ANKRD13A: variants seen among roughly 807,000 people sequenced by gnomAD.
ANKRD13A encodes ankyrin repeat domain-containing protein 13A.
ANKRD13A carries 48 observed loss-of-function variants against 81.3 expected under a neutral mutation model. That is an observed-to-expected ratio of 0.59 (90% confidence interval 0.47 to 0.75). The LOEUF (loss-of-function observed/expected upper bound fraction) is 0.75, where lower values mean the gene tolerates loss of function less well. ANKRD13A is among the 30% of genes least tolerant of loss of function. The probability of loss-of-function intolerance (pLI) is 0.00; values close to 1 mark genes in which losing one functional copy is unlikely to be tolerated. For missense variants in ANKRD13A, 612 were observed against 734.0 expected (o/e 0.83, Z 1.92); for synonymous variants, 230 against 270.1 (o/e 0.85, Z 1.45).
At position 110,038,688 on chromosome 12, in the gene ANKRD13A, TC is replaced by T. The variant is rs1225608335; in HGVS notation, c.*1137del. ...TATTTGTAAAAGATATAAAAACAACTCCCATCAGTAGCAATACAAGGTTATA... is the reference window on the plus strand; with the variant it reads ...TATTTGTAAAAGATATAAAAACAACTCCATCAGTAGCAATACAAGGTTATA... On this transcript the variant is annotated 3_prime_UTR_variant, in exon 15 of 15. Coordinates refer to ENST00000261739, the MANE Select transcript of ANKRD13A (RefSeq NM_033121.2). 1 of 152,654 alleles carries T rather than the reference TC, an allele frequency of 6.6e-6. No individual in the cohort carries two copies. The highest frequency in any genetic ancestry group is 1.5e-5 in the Non-Finnish European group (1 of 68,038). 9.5% of individuals were successfully genotyped at this position (152,654 alleles called of 1,614,324 possible).
At chr12:110,019,439 A>T in intron 6 of ANKRD13A, 111 bp downstream of exon 6, 1 of 1,042,908 alleles carries the variant, frequency 9.6e-7, no homozygotes, top group Non-Finnish European at 1.3e-6. Flanking sequence ...CTAATATGAC[A>T]TAATAAACAC....
At chr12:110,001,489 G>C (rs1434134820) in intron 1 of ANKRD13A, among the ~76,000 whole-genome samples, 1 of 144,528 alleles carries the variant, frequency 6.9e-6, no homozygotes, top group Non-Finnish European at 1.5e-5. Context: ...ATTCAGACTT[G>C]AGTGCAGTGG....
intron 6 of ANKRD13A, among the ~76,000 whole-genome samples, chr12:110,020,019 A>G (rs920351759): frequency 6.6e-6 from 1 of 152,216 alleles, no homozygotes; most frequent in African/African-American, 2.4e-5. Flanking sequence ...GAGACCACTG[A>G]TCCGAGGGAG....
chr12:110,037,103 TGA>T (rs1892105590), intron 14 of ANKRD13A, among the ~76,000 whole-genome samples: 1 of 152,230 alleles, frequency 6.6e-6, no homozygotes, highest in South Asian at 2.1e-4. Context: ...ATGAAGAACC[TGA>T]GTTTTGCTTT....
In ANKRD13A at chr12:110,016,370, C is replaced by T; in HGVS notation, c.355-18C>T. ...AGTGCCAAGGGTAATCTGTTTTAAA[C>T]CTTTGTCTGCCCTTCAGGCTCCGGA... is the stretch of plus-strand genomic sequence containing the variant. On this transcript the variant is annotated intron_variant, in intron 3 of 14. Coordinates refer to ENST00000261739, the MANE Select transcript of ANKRD13A (RefSeq NM_033121.2). 1.9e-6 allele frequency: 3 copies of T among 1,578,498 alleles called. No individual in the cohort carries two copies. The highest frequency in any genetic ancestry group is 2.6e-6 in the Non-Finnish European group (3 of 1,156,628).
At chr12:110,000,199 T>G (rs547168968) in intron 1 of ANKRD13A, among the ~76,000 whole-genome samples, 10 of 152,160 alleles carry the variant, frequency 6.6e-5, no homozygotes, top group Non-Finnish European at 1.2e-4. Context: ...ACACTCTCCT[T>G]GTTGTAAGGA....
In ANKRD13A at chr12:110,014,789, C is replaced by CTTTTTTTTTTTTTTTTTTT. The variant is rs761398140; in HGVS notation, c.354+1552_354+1553insTTTTTTTTTTTTTTTTTTT. On this transcript the variant is annotated intron_variant, in intron 3 of 14. Coordinates refer to ENST00000261739, the MANE Select transcript of ANKRD13A (RefSeq NM_033121.2). ...ACCTGGAATTTCTAGCATTTCTCTT[C>CTTTTTTTTTTTTTTTTTTT]TTTTTTTTTTTTGAGACGGAATCTC... 3.3e-4 allele frequency among the ~76,000 whole-genome samples: 45 copies of CTTTTTTTTTTTTTTTTTTT among 135,694 alleles called. 1 individual carries two copies. Among genetic ancestry groups the CTTTTTTTTTTTTTTTTTTT allele is most frequent in the African/African-American group, 8.6e-4 (28 of 32,370 alleles). 89.0% of individuals were successfully genotyped at this position (135,694 alleles called of 152,430 possible). A position where few individuals can be genotyped will look rare whatever the true frequency, so the allele number is the denominator to read the frequency against.
chr12:110,016,643 A>C (rs571298281), intron 4 of ANKRD13A, among the ~76,000 whole-genome samples: 1 of 152,232 alleles, frequency 6.6e-6, no homozygotes, highest in African/African-American at 2.4e-5. Context: ...CCCGCCATGC[A>C]TAGGACTTTT....
At position 110,038,791 on chromosome 12, in the gene ANKRD13A, A is replaced by AT. The variant is rs1892206806; in HGVS notation, c.*1238dup. On this transcript the variant is annotated 3_prime_UTR_variant, in exon 15 of 15. Transcript: ENST00000261739. ...TCTCTTTTGTCAAACCCTCTTGTAT[A>AT]TAACCATCGCACAACATACAGAACC... 1 of 152,252 alleles carries AT rather than the reference A, an allele frequency of 6.6e-6. No homozygotes were observed. The allele number at this position is 152,252 out of a possible 1,614,324, so 9.4% of individuals were successfully genotyped here.
chr12:110,031,745 A>G (rs957016553), intron 12 of ANKRD13A, among the ~76,000 whole-genome samples: 13 of 152,200 alleles, frequency 8.5e-5, no homozygotes, highest in Admixed American at 1.3e-4. Flanking sequence ...CCATCAATAC[A>G]ATTCATGATT....
At chr12:110,029,668 G>A (rs1244360889) in intron 11 of ANKRD13A, 33 bp downstream of exon 11, 1 of 1,602,258 alleles carries the variant, frequency 6.2e-7, no homozygotes, top group Non-Finnish European at 8.5e-7. Flanking sequence ...AACACTTGGA[G>A]GTTCTGCCCA....
rs1892138243 is a variant in ANKRD13A at position 110,037,522 on chromosome 12, C to G, written c.1741C>G (p.Gln581Glu). The G allele has an allele frequency of 6.2e-7, 1 of 1,613,864 alleles. No homozygotes were observed. Among genetic ancestry groups the G allele is most frequent in the Non-Finnish European group, 8.5e-7 (1 of 1,180,034 alleles). Residue 581 changes from glutamine to glutamate, a missense_variant, in exon 15 of 15, where the codon CAA becomes GAA. Coordinates refer to ENST00000261739, the MANE Select transcript of ANKRD13A (RefSeq NM_033121.2). The part of the protein sequence containing the change: ...RLQEEEAELQ[Q>E]VLQLSLTDK ...CCAGGAGGAAGAGGCTGAGCTCCAG[C>G]AAGTCTTACAGCTGTCACTCACTGA...
chr12:110,012,181 T>C (rs747601121), intron 2 of ANKRD13A, 44 bp downstream of exon 2: 2 of 1,558,396 alleles, frequency 1.3e-6, no homozygotes, highest in Non-Finnish European at 1.8e-6. Flanking sequence ...CTGAGCACCA[T>C]GGTGAAACCC....
chr12:110,030,798 TA>T (rs760659033), intron 12 of ANKRD13A, 40 bp downstream of exon 12: 245 of 1,378,474 alleles, frequency 1.8e-4, no homozygotes, highest in Middle Eastern at 3.7e-4. Context: ...TTTTGTTATT[TA>T]AAAAAAAATT....
rs1376046813 is a variant in ANKRD13A, at chr12:110,024,090, T to G, written c.779T>G (p.Val260Gly). Reference protein sequence around the residue: ...FWGWRTDKAEVVNGYEAKVYT... With the variant: ...FWGWRTDKAEGVNGYEAKVYT... ...GGCTGGAGGACAGATAAAGCAGAAG[T>G]TGTTAATGGTTACGAAGCAAAGGTA... Residue 260 changes from valine (V) to glycine (G), a missense_variant, in exon 7 of 15, where the codon GTT becomes GGT. By Grantham distance (109) the Val-to-Gly change is moderately radical (BLOSUM62 -3). Coordinates refer to ENST00000261739, the MANE Select transcript of ANKRD13A (RefSeq NM_033121.2). 1 of 1,610,660 alleles carries G rather than the reference T, an allele frequency of 6.2e-7. No individual in the cohort carries two copies. Among genetic ancestry groups the G allele is most frequent in the East Asian group, 2.2e-5 (1 of 44,862 alleles).
In ANKRD13A at chr12:110,019,286, T is replaced by C; in HGVS notation, c.692T>C (p.Val231Ala). The C allele has an allele frequency of 6.2e-7, 1 of 1,613,552 alleles. No individual in the cohort carries two copies. Among genetic ancestry groups the C allele is most frequent in the Non-Finnish European group, 8.5e-7 (1 of 1,179,682 alleles). The change falls in exon 6 of 15, where the codon GTC (valine) becomes GCC (alanine). Residue 231 changes from valine (V) to alanine (A), a missense_variant. By Grantham distance (64) the Val-to-Ala change is moderately conservative. Coordinates refer to ENST00000261739, the MANE Select transcript of ANKRD13A (RefSeq NM_033121.2). ...GTTGAGCGGCGGCTCACAAGCCCTGTCATTAACACCAGCCTCGATACTAAA... is the reference window on the plus strand; with the variant it reads ...GTTGAGCGGCGGCTCACAAGCCCTGCCATTAACACCAGCCTCGATACTAAA... ...REVERRLTSP[V>A]INTSLDTKNI...
At chr12:110,004,554 G>T (rs939480864) in intron 1 of ANKRD13A, among the ~76,000 whole-genome samples, 1 of 152,130 alleles carries the variant, frequency 6.6e-6, no homozygotes, top group Non-Finnish European at 1.5e-5. Context: ...GGCAGAGGTT[G>T]CAGTGAGCCA....
At position 110,030,860 on chromosome 12, in the gene ANKRD13A, C is replaced by T. The variant is rs145714422; in HGVS notation, c.1348+102C>T. 3,107 of 545,516 alleles carry T rather than the reference C, an allele frequency of 5.7e-3. 20 individuals are homozygous for T. Among genetic ancestry groups the T allele is most frequent in the Middle Eastern group, 0.011 (22 of 2,050 alleles). 33.8% of individuals were successfully genotyped at this position (545,516 alleles called of 1,614,324 possible). ...CTGTAATCCCAGCACTTTGGGAGGC[C>T]GAGGTGGGTGGATCACCTGAGGTCG... On this transcript the variant is annotated intron_variant, in intron 12 of 14. Coordinates refer to ENST00000261739, the MANE Select transcript of ANKRD13A (RefSeq NM_033121.2).
Position 110,019,161 on chromosome 12 carries a change from A to C in ANKRD13A, c.567A>C (p.Glu189Asp), listed in dbSNP as rs1165294397. The change falls in exon 6 of 15, where the codon GAA (glutamate) becomes GAC (aspartate). Residue 189 changes from glutamate (E) to aspartate (D), a missense_variant. Transcript: ENST00000261739. ...KGEDNWAELM[E>D]VNHDDKVVTT... Reference sequence around the variant, plus strand: ...TAGACAACTGGGCGGAGTTAATGGAAGTCAACCATGATGACAAAGTGGTCA... The same window carrying C: ...TAGACAACTGGGCGGAGTTAATGGACGTCAACCATGATGACAAAGTGGTCA... The C allele has an allele frequency of 6.2e-7, 1 of 1,604,642 alleles. No homozygotes were observed. The highest frequency in any genetic ancestry group is 1.1e-5 in the South Asian group (1 of 89,830).
Sources: allele counts gnomAD v4.1 joint callset (sites outside exome capture counted in the v4.1 genomes callset), GRCh38; gene constraint gnomAD v4.1.1; transcripts MANE v1.5; gene names NCBI Gene and HGNC (gene_info 2026-07-23, HGNC 2026-07-21).